Variants in BMPR1B observed in about 807,000 individuals in gnomAD.
BMPR1B encodes bone morphogenetic protein receptor type-1B.
A neutral mutation model predicts 59.1 loss-of-function variants in BMPR1B; 12 were observed. The observed-to-expected ratio is 0.20, with a 90% confidence interval of 0.13 to 0.33. The LOEUF (loss-of-function observed/expected upper bound fraction) is 0.33. BMPR1B is among the 10% of genes least tolerant of loss of function. The pLI is 1.00. For synonymous variants in BMPR1B, 237 were observed against 207.3 expected, an observed-to-expected ratio of 1.14 and a Z score of -1.23; for missense variants, 550 against 610.9, an observed-to-expected ratio of 0.90 and a Z score of 1.05.
intron 2 of BMPR1B, among the ~76,000 whole-genome samples, chr4:94,949,561 C>T (rs1729851487): frequency 1.7e-5 from 1 of 58,590 alleles, no homozygotes; most frequent in Admixed American, 1.5e-4. Context: ...CGTGATCCAC[C>T]CGCCTCGGCC....
intron 3 of BMPR1B, among the ~76,000 whole-genome samples, chr4:95,087,754 A>G (rs1387285986): frequency 6.6e-6 from 1 of 152,084 alleles, no homozygotes; most frequent in Admixed American, 6.5e-5. Flanking sequence ...TAAATAAAAG[A>G]AAGAAAAGAA....
At chr4:94,826,142 T>C (rs1724374026) in intron 1 of BMPR1B, among the ~76,000 whole-genome samples, 1 of 152,234 alleles carries the variant, frequency 6.6e-6, no homozygotes, top group Non-Finnish European at 1.5e-5. Flanking sequence ...AGAATGGTAC[T>C]TAATGTAGAA....
intron 3 of BMPR1B, among the ~76,000 whole-genome samples, chr4:95,012,386 C>T (rs779683604): frequency 2.0e-5 from 3 of 152,082 alleles, no homozygotes; most frequent in African/African-American, 7.2e-5. Flanking sequence ...TAGAACCTTA[C>T]GTCTGTCAGA....
In BMPR1B at chr4:95,158,303, G is replaced by C. The variant is rs1373871464; in HGVS notation, c.*3630G>C. 1.3e-5 allele frequency: 2 copies of C among 152,116 alleles called. No individual in the cohort carries two copies. The highest frequency in any genetic ancestry group is 2.1e-4 in the South Asian group (1 of 4,822). 9.4% of individuals were successfully genotyped at this position (152,116 alleles called of 1,614,324 possible). ...AGAAGACTCATTTGTTCTTTTGGGG[G>C]AACCAGTGCCTTACAGATTTTGTAT... is the stretch of plus-strand genomic sequence containing the variant. On this transcript the variant is annotated 3_prime_UTR_variant, in exon 13 of 13. Transcript: ENST00000515059.
intron 3 of BMPR1B, among the ~76,000 whole-genome samples, chr4:95,039,346 C>G (rs751780208): frequency 1.3e-5 from 2 of 151,682 alleles, no homozygotes; most frequent in Admixed American, 6.6e-5. Context: ...TTCACTAAAG[C>G]TAAAGTCTGG....
At chr4:95,074,250 G>A (rs1728536021) in intron 3 of BMPR1B, among the ~76,000 whole-genome samples, 1 of 152,122 alleles carries the variant, frequency 6.6e-6, no homozygotes, top group South Asian at 2.1e-4. Flanking sequence ...TAGTGCCTCA[G>A]TTTCTGTATT....
At chr4:94,991,910 T>C (rs1332312486) in intron 2 of BMPR1B, among the ~76,000 whole-genome samples, 6 of 152,188 alleles carry the variant, frequency 3.9e-5, no homozygotes, top group Admixed American at 1.3e-4. Context: ...ACAAAACTAC[T>C]TACTGAATTG....
At chr4:95,102,093 T>C (rs1401224179) in intron 3 of BMPR1B, among the ~76,000 whole-genome samples, 1 of 152,200 alleles carries the variant, frequency 6.6e-6, no homozygotes, top group Non-Finnish European at 1.5e-5. Flanking sequence ...TACCTAATCC[T>C]CTAGTGTTGT....
intron 3 of BMPR1B, among the ~76,000 whole-genome samples, chr4:95,070,858 G>A (rs943711902): frequency 2.0e-5 from 3 of 152,198 alleles, no homozygotes; most frequent in Non-Finnish European, 4.4e-5. Context: ...AAACGCCTGA[G>A]TATCTCTAGA....
At chr4:95,080,794 A>G (rs986416212) in intron 3 of BMPR1B, among the ~76,000 whole-genome samples, 1 of 152,228 alleles carries the variant, frequency 6.6e-6, no homozygotes, top group African/African-American at 2.4e-5. Flanking sequence ...AGCTTCATTT[A>G]AGAATATCCT....
Position 95,154,787 on chromosome 4 carries a change from G to T in BMPR1B, c.*114G>T. 6.8e-7 allele frequency: 1 copy of T among 1,480,904 alleles called. No homozygotes were observed. The allele number at this position is 1,480,904 out of a possible 1,614,324, so 91.7% of individuals were successfully genotyped here. On this transcript the variant is annotated 3_prime_UTR_variant, in exon 13 of 13. Coordinates refer to ENST00000515059, the MANE Select transcript of BMPR1B (RefSeq NM_001203.3). Reference sequence around the variant, plus strand: ...CAGTACAAGCCTTGAACATCGTCCTGCTTCCCAGTGGGTTCAGACCTCACC... The same window carrying T: ...CAGTACAAGCCTTGAACATCGTCCTTCTTCCCAGTGGGTTCAGACCTCACC...
Position 94,841,332 on chromosome 4 carries a change from T to G in BMPR1B, c.-182-34499T>G, listed in dbSNP as rs1291936158. Among the ~76,000 whole-genome samples the G allele has an allele frequency of 2.7e-5, 4 of 148,788 alleles. No individual in the cohort carries two copies. The East Asian group carries it at 7.7e-4, about 29-fold the overall frequency. ...GCTGCTTTGTTTACCTAAGCAAGCC[T>G]GGGCAATGGCGGGCGCCCCTCCCCC... On this transcript the variant is annotated intron_variant, in intron 1 of 12. Transcript: ENST00000515059.
intron 3 of BMPR1B, among the ~76,000 whole-genome samples, chr4:95,012,794 A>G (rs1353755123): frequency 6.6e-6 from 1 of 152,140 alleles, no homozygotes; most frequent in Non-Finnish European, 1.5e-5. Flanking sequence ...TTATAACACA[A>G]GCAGAATTAC....
intron 2 of BMPR1B, among the ~76,000 whole-genome samples, chr4:94,957,765 A>T (rs1199507007): frequency 2.0e-5 from 3 of 152,186 alleles, no homozygotes; most frequent in African/African-American, 7.2e-5. Flanking sequence ...AAGATGATAA[A>T]TGTTACTGAT....
chr4:95,154,709 A>G lies in BMPR1B; in HGVS notation c.*36A>G. On this transcript the variant is annotated 3_prime_UTR_variant, in exon 13 of 13. Coordinates refer to ENST00000515059, the MANE Select transcript of BMPR1B (RefSeq NM_001203.3). ...AAAGTAAGCATCTCTGCAGAAAGCCAACAGGTACTCTTCTGTTTGTGGGCA... is the reference window on the plus strand; with the variant it reads ...AAAGTAAGCATCTCTGCAGAAAGCCGACAGGTACTCTTCTGTTTGTGGGCA... 6.2e-7 allele frequency: 1 copy of G among 1,612,564 alleles called. No homozygotes were observed.
intron 1 of BMPR1B, among the ~76,000 whole-genome samples, chr4:94,849,016 C>T (rs1725461379): frequency 6.6e-6 from 1 of 152,052 alleles, no homozygotes; most frequent in Non-Finnish European, 1.5e-5. Flanking sequence ...AATGGATATG[C>T]AAGGCTGGAG....
intron 2 of BMPR1B, among the ~76,000 whole-genome samples, chr4:94,939,088 C>A (rs1313596758): frequency 6.6e-6 from 1 of 152,082 alleles, no homozygotes; most frequent in African/African-American, 2.4e-5. Flanking sequence ...CCTCTATGTC[C>A]CTTCTGCCAT....
chr4:94,954,472 T>C (rs1234806775), intron 2 of BMPR1B, among the ~76,000 whole-genome samples: 2 of 152,206 alleles, frequency 1.3e-5, no homozygotes, highest in African/African-American at 4.8e-5. Flanking sequence ...GATTGTGCAA[T>C]GCACATGCCA....
intron 1 of BMPR1B, among the ~76,000 whole-genome samples, chr4:94,765,762 AT>A (rs2110562186): frequency 6.6e-6 from 1 of 152,312 alleles, no homozygotes; most frequent in South Asian, 2.1e-4. Flanking sequence ...ATATAACAGT[AT>A]GTTTTACCTG....
Sources: allele counts gnomAD v4.1 joint callset (sites outside exome capture counted in the v4.1 genomes callset), GRCh38; gene constraint gnomAD v4.1.1; transcripts MANE v1.5; gene names NCBI Gene and HGNC (gene_info 2026-07-23, HGNC 2026-07-21).